Variants in LSM7 observed in about 807,000 individuals in gnomAD.
LSM7 encodes the protein U6 snRNA-associated Sm-like protein LSm7.
A neutral mutation model predicts 14.1 loss-of-function variants in LSM7; 13 were observed. The observed-to-expected ratio is 0.92, with a 90% CI of 0.60 to 1.47. The LOEUF (loss-of-function observed/expected upper bound fraction) is 1.47. Among genes scored for constraint, LSM7 ranks in the 40% most tolerant of loss-of-function variants. The pLI is 0.00. For synonymous variants in LSM7, 70 were observed against 57.1 expected, an observed-to-expected ratio of 1.23 and a Z score of -1.02; for missense variants, 108 against 140.8, an observed-to-expected ratio of 0.77 and a Z score of 1.18.
chr19:2,323,982 G>A (rs1054147157), intron 3 of LSM7, 143 bp downstream of exon 3: 7 of 733,808 alleles, frequency 9.5e-6, no homozygotes, highest in African/African-American at 1.7e-5. Flanking sequence ...GTAACTCAGA[G>A]GTTTTGTGGG....
At chr19:2,327,633 G>A (rs904621115) in intron 2 of LSM7, among the ~76,000 whole-genome samples, 4 of 152,164 alleles carry the variant, frequency 2.6e-5, no homozygotes, top group Non-Finnish European at 5.9e-5. Flanking sequence ...AAACCCTAGG[G>A]TGAAGCCACC....
In LSM7 at chr19:2,324,111, G is replaced by A. The variant is rs748703609; in HGVS notation, c.169+14C>T. 16 of 1,494,560 alleles carry A rather than the reference G, an allele frequency of 1.1e-5. No homozygotes were observed. The East Asian group carries it at 1.3e-4, about 12-fold the overall frequency. 92.6% of individuals were successfully genotyped at this position (1,494,560 alleles called of 1,614,324 possible). Reference sequence around the variant, plus strand: ...CCTCGTCCCGCTGCCTGCCTCGGCCGCCACCCCACTCACCTCGCATGTACT... The same window carrying A: ...CCTCGTCCCGCTGCCTGCCTCGGCCACCACCCCACTCACCTCGCATGTACT... On this transcript the variant is annotated intron_variant, in intron 3 of 3. Transcript: ENST00000252622.
chr19:2,324,270 G>T, intron 2 of LSM7, 74 bp from the exon 3 acceptor site: 1 of 1,218,438 alleles, frequency 8.2e-7, no homozygotes, highest in South Asian at 1.3e-5. Context: ...GCCCCAGCAT[G>T]GCCCAGGTAT....
chr19:2,322,325 G>T (rs1212059055), intron 3 of LSM7, among the ~76,000 whole-genome samples: 1 of 152,060 alleles, frequency 6.6e-6, no homozygotes, highest in Non-Finnish European at 1.5e-5. Context: ...GGATCACGAG[G>T]TCAGGAGATC....
chr19:2,325,301 G>A (rs1478443202), intron 2 of LSM7, among the ~76,000 whole-genome samples: 1 of 148,254 alleles, frequency 6.7e-6, no homozygotes, highest in Non-Finnish European at 1.5e-5. Flanking sequence ...CACCCTCTCT[G>A]CCTGGGACTC....
At chr19:2,327,791 A>AG (rs1343548068) in intron 2 of LSM7, among the ~76,000 whole-genome samples, 1 of 152,228 alleles carries the variant, frequency 6.6e-6, no homozygotes, top group Admixed American at 6.5e-5. Context: ...TACAAAAAAA[A>AG]GAAACCAAAG....
chr19:2,326,219 G>A (rs551701304), intron 2 of LSM7: 1 of 152,372 alleles, frequency 6.6e-6, no homozygotes, highest in African/African-American at 2.4e-5. Context: ...TAGAGCCCCT[G>A]AATCAGCTGA....
rs373225774 is a variant in LSM7, at chr19:2,328,026, A to G, written c.97+361T>C. 8.0e-4 allele frequency: 155 copies of G among 193,522 alleles called. 2 individuals are homozygous for G. The South Asian group carries it at 0.013, about 16-fold the overall frequency. 12.0% of individuals were successfully genotyped at this position (193,522 alleles called of 1,614,324 possible). On this transcript the variant is annotated intron_variant, in intron 2 of 3. Transcript: ENST00000252622. ...CTGGGCATGGTGGCTCATGCCTGAA[A>G]TCCCAGCAATTTAGGGGGCTGAGGC...
At chr19:2,323,757 C>T (rs895387168) in intron 3 of LSM7, among the ~76,000 whole-genome samples, 2 of 152,154 alleles carry the variant, frequency 1.3e-5, no homozygotes, top group South Asian at 2.1e-4. Context: ...TGGCCTCTCA[C>T]GTCACCAATT....
In LSM7 at chr19:2,324,116, C is replaced by CA. The variant is rs1211642905; in HGVS notation, c.169+8_169+9insT. On this transcript the variant is annotated intron_variant, in intron 3 of 3. Coordinates refer to ENST00000252622, the MANE Select transcript of LSM7 (RefSeq NM_016199.3). ...TCCCGCTGCCTGCCTCGGCCGCCAC[C>CA]CCACTCACCTCGCATGTACTCAATG... 50 of 1,560,658 alleles carry CA rather than the reference C, an allele frequency of 3.2e-5. 1 individual carries two copies. Among genetic ancestry groups the CA allele is most frequent in the Non-Finnish European group, 4.0e-5 (46 of 1,153,292 alleles).
At position 2,328,485 on chromosome 19, in the gene LSM7, G is replaced by C; in HGVS notation, c.7-8C>G. On this transcript the variant is annotated splice_polypyrimidine_tract_variant and splice_region_variant and intron_variant, in intron 1 of 3. Transcript: ENST00000252622. ...TTTCTTCTTCTCCTTATCCTGCGGG[G>C]AAAGCAGAGCGCATGAGACCTGGAG... The C allele has an allele frequency of 6.2e-7, 1 of 1,613,630 alleles. No homozygotes were observed. The highest frequency in any genetic ancestry group is 2.2e-5 in the East Asian group (1 of 44,844).
chr19:2,321,961 C>T lies in LSM7; in HGVS notation c.170-139G>A, dbSNP rs143720492. ...GCACGCAGGGACCTCAGACGGGATG[C>T]GCTCTGTGGGGCAGGTCCCCGGCTC... is the stretch of plus-strand genomic sequence containing the variant. On this transcript the variant is annotated intron_variant, in intron 3 of 3. Coordinates refer to ENST00000252622, the MANE Select transcript of LSM7 (RefSeq NM_016199.3). This position sits in a 1 kb window ranked among gnomAD's most constrained non-coding sequence, Gnocchi z 5.0. The T allele has an allele frequency of 5.4e-4, 419 of 770,338 alleles. 4 individuals carry two copies. The East Asian group carries it at 0.013, about 24-fold the overall frequency. The allele number at this position is 770,338 out of a possible 1,614,324, so 47.7% of individuals were successfully genotyped here. A position where few individuals can be genotyped will look rare whatever the true frequency, so the allele number is the denominator to read the frequency against.
At chr19:2,323,310 C>T (rs1183575000) in intron 3 of LSM7, among the ~76,000 whole-genome samples, 3 of 152,058 alleles carry the variant, frequency 2.0e-5, no homozygotes, top group Non-Finnish European at 4.4e-5. Flanking sequence ...CCCCACGGCA[C>T]GCTCACTACC....
chr19:2,326,754 G>A (rs1599180843), intron 2 of LSM7, among the ~76,000 whole-genome samples: 1 of 152,256 alleles, frequency 6.6e-6, no homozygotes, highest in Non-Finnish European at 1.5e-5. Flanking sequence ...TAAGGCGTGA[G>A]CCCCCGCACC....
rs60425320 is a variant in LSM7, at chr19:2,327,267, T to C, written c.97+1120A>G. Among the ~76,000 whole-genome samples, 4,650 of 152,294 alleles carry C rather than the reference T, an allele frequency of 0.031. 372 individuals are homozygous for C. In the East Asian group the frequency reaches 0.32, roughly 10 times the overall value. The stretch of plus-strand genomic sequence containing the variant: ...AAAACATTTTATTCATATTCCTTTT[T>C]CTTTTTGTTTTGAGACGGAGTCTTG... On this transcript the variant is annotated intron_variant, in intron 2 of 3. Coordinates refer to ENST00000252622, the MANE Select transcript of LSM7 (RefSeq NM_016199.3).
chr19:2,325,441 C>T (rs1968000091), intron 2 of LSM7, among the ~76,000 whole-genome samples: 1 of 152,170 alleles, frequency 6.6e-6, no homozygotes. Flanking sequence ...TCAGGTGCTT[C>T]CTCCAGACAC....
intron 2 of LSM7, chr19:2,327,976 C>G (rs1331358331): frequency 5.7e-6 from 1 of 174,794 alleles, no homozygotes; most frequent in East Asian, 1.6e-4. Flanking sequence ...GAAGGCAGCT[C>G]ACTTGCCCAG....
Position 2,323,825 on chromosome 19 carries a change from G to A in LSM7, c.169+300C>T, listed in dbSNP as rs184557310. On this transcript the variant is annotated intron_variant, in intron 3 of 3. Transcript: ENST00000252622. ...AGGTTGTCCTCTAACTGTGCCGGGC[G>A]CCCCGTCAGTGTGTAGAGACCAGTG... 2.0e-3 allele frequency among the ~76,000 whole-genome samples: 299 copies of A among 152,256 alleles called. 1 individual carries two copies. Among genetic ancestry groups the A allele is most frequent in the African/African-American group, 6.7e-3 (279 of 41,540 alleles).
At chr19:2,328,310 T>A in intron 2 of LSM7, 77 bp downstream of exon 2, 1 of 1,194,476 alleles carries the variant, frequency 8.4e-7, no homozygotes, top group Non-Finnish European at 1.2e-6. Context: ...TGCTTCCGCA[T>A]GCGTCCTCAT....
Sources: gnomAD v4.1 joint callset for allele counts (sites outside exome capture counted in the v4.1 genomes callset) on GRCh38, gnomAD v4.1.1 for gene constraint, Gnocchi (gnomAD v3.1) non-coding constraint, MANE v1.5 for transcripts, NCBI Gene and HGNC (gene_info 2026-07-23, HGNC 2026-07-21) for gene names.